ZNF536: variants seen among roughly 807,000 people sequenced by gnomAD.
The protein encoded by ZNF536 is zinc finger protein 536.
A neutral mutation model predicts 84.5 loss-of-function variants in ZNF536; 13 were observed. That is an observed-to-expected ratio of 0.15 (90% confidence interval 0.10 to 0.24). The LOEUF is 0.24. Ranked by LOEUF, ZNF536 falls within the 10% of genes least tolerant of loss-of-function variation. ZNF536 has a pLI of 1.00. For missense variants in ZNF536, 1,536 were observed against 1,747.5 expected, an observed-to-expected ratio of 0.88 and a Z score of 2.16; for synonymous variants, 811 against 742.5, an observed-to-expected ratio of 1.09 and a Z score of -1.50.
chr19:30,516,326 G>A (rs1300029639), intron 2 of ZNF536, among the ~76,000 whole-genome samples: 1 of 152,206 alleles, frequency 6.6e-6, no homozygotes, highest in Non-Finnish European at 1.5e-5. Context: ...CCGGCCTGGT[G>A]TGTGTCTCCA....
intron 1 of ZNF536, among the ~76,000 whole-genome samples, chr19:30,641,368 C>T (rs766556362): frequency 6.6e-6 from 1 of 152,290 alleles, no homozygotes; most frequent in Middle Eastern, 3.4e-3. Flanking sequence ...CAGCTTTCTT[C>T]CTGTGCCTAG....
chr19:30,548,586 C>T lies in ZNF536; in HGVS notation c.2967C>T (p.Gly989=), dbSNP rs146165431. 3.5e-5 allele frequency: 57 copies of T among 1,614,062 alleles called. No individual in the cohort carries two copies. Among genetic ancestry groups the T allele is most frequent in the Non-Finnish European group, 4.5e-5 (53 of 1,180,038 alleles). The change falls in exon 4 of 5, where the codon GGC becomes GGT. Residue 989 remains glycine (G), a synonymous_variant. Coordinates refer to ENST00000355537, the MANE Select transcript of ZNF536 (RefSeq NM_014717.3). ...SVRPDAASLP[G]SSVTVQDSIA... ...GGCCAGATGCCGCCTCCCTCCCGGGCTCCTCGGTAACTGTGCAGGACAGCA... is the reference window on the plus strand; with the variant it reads ...GGCCAGATGCCGCCTCCCTCCCGGGTTCCTCGGTAACTGTGCAGGACAGCA...
At chr19:30,471,734 A>T (rs2053642594) in intron 2 of ZNF536, among the ~76,000 whole-genome samples, 1 of 152,268 alleles carries the variant, frequency 6.6e-6, no homozygotes. Context: ...CTGCCTGGTA[A>T]CATGAAAAAC....
intron 1 of ZNF536, among the ~76,000 whole-genome samples, chr19:30,607,834 T>C (rs1172194449): frequency 6.6e-6 from 1 of 152,174 alleles, no homozygotes; most frequent in East Asian, 1.9e-4. Flanking sequence ...AATGTGATCA[T>C]ATAATGATCA....
At chr19:30,433,394 C>T (rs2051567483) in intron 1 of ZNF536, among the ~76,000 whole-genome samples, 1 of 152,200 alleles carries the variant, frequency 6.6e-6, no homozygotes, top group African/African-American at 2.4e-5. Context: ...CTAGATGTAC[C>T]CATGTCTTGC....
intron 1 of ZNF536, among the ~76,000 whole-genome samples, chr19:30,395,524 G>C (rs917582178): frequency 6.6e-6 from 1 of 152,216 alleles, no homozygotes; most frequent in Non-Finnish European, 1.5e-5. Context: ...ATCTGCCAAA[G>C]AAGGGCCACC....
In ZNF536 at chr19:30,228,770, C is replaced by A. The variant is rs2022780191; in HGVS notation, c.-190+97C>A. Reference sequence around the variant, plus strand: ...TGCGCGCCGCCCCGGGCCGGCCTCGCGTGTGGGCGGCTGGGCGGCTGGGCG... The same window carrying A: ...TGCGCGCCGCCCCGGGCCGGCCTCGAGTGTGGGCGGCTGGGCGGCTGGGCG... On this transcript the variant is annotated intron_variant, in intron 1 of 5. Transcript: ENST00000585628. The surrounding 1 kb of genome is among the most constrained non-coding windows in gnomAD (Gnocchi z 4.5). The A allele has an allele frequency of 1.3e-5, 2 of 150,836 alleles. No homozygotes were observed. Among genetic ancestry groups the A allele is most frequent in the African/African-American group, 4.9e-5 (2 of 41,134 alleles). The allele number at this position is 150,836 out of a possible 1,614,324, so 9.3% of individuals were successfully genotyped here.
intron 2 of ZNF536, among the ~76,000 whole-genome samples, chr19:30,347,817 G>A (rs1397340006): frequency 6.6e-6 from 1 of 152,148 alleles, no homozygotes; most frequent in Non-Finnish European, 1.5e-5. Context: ...TTTGCAAAAT[G>A]CTCCTAGCTG....
chr19:30,581,703 C>T (rs931538938), intron 1 of ZNF536, among the ~76,000 whole-genome samples: 3 of 151,490 alleles, frequency 2.0e-5, no homozygotes, highest in Admixed American at 1.3e-4. Context: ...TTTGGGAGGC[C>T]GAGGTGGGCG....
intron 1 of ZNF536, among the ~76,000 whole-genome samples, chr19:30,437,609 C>T (rs191927887): frequency 1.4e-3 from 209 of 152,204 alleles, no homozygotes; most frequent in African/African-American, 4.6e-3. Flanking sequence ...CTGTGGCCAC[C>T]GAGAGCCTAG....
intron 2 of ZNF536, among the ~76,000 whole-genome samples, chr19:30,521,110 C>T (rs144904862): frequency 1.9e-4 from 29 of 152,352 alleles, no homozygotes; most frequent in South Asian, 1.0e-3. Context: ...GAAGCTTTGG[C>T]GCTTTGCTCA....
At chr19:30,302,661 C>A (rs576946461) in intron 2 of ZNF536, among the ~76,000 whole-genome samples, 1 of 152,220 alleles carries the variant, frequency 6.6e-6, no homozygotes, top group East Asian at 1.9e-4. Flanking sequence ...GAGCCTCTGG[C>A]GTCTGTGCCC....
chr19:30,575,010 C>A (rs2046680173), intron 1 of ZNF536, among the ~76,000 whole-genome samples: 1 of 152,134 alleles, frequency 6.6e-6, no homozygotes, highest in African/African-American at 2.4e-5. Context: ...TGGGACAGGT[C>A]TACACAGCCT....
chr19:30,514,974 G>T (rs575148774), intron 2 of ZNF536, among the ~76,000 whole-genome samples: 44 of 152,092 alleles, frequency 2.9e-4, no homozygotes, highest in African/African-American at 1.0e-3. Flanking sequence ...GTGGCCCAGC[G>T]TGGTGGCTCA....
At chr19:30,447,207 C>CA (rs2052393188) in intron 2 of ZNF536, among the ~76,000 whole-genome samples, 1 of 152,194 alleles carries the variant, frequency 6.6e-6, no homozygotes, top group African/African-American at 2.4e-5. Context: ...TGATCCCCCC[C>CA]ACCCTCACTC....
chr19:30,700,252 C>G (rs1302691066), intron 1 of ZNF536, among the ~76,000 whole-genome samples: 1 of 105,140 alleles, frequency 9.5e-6, no homozygotes. Flanking sequence ...CTCTCTCTCT[C>G]TCTTTCTTTC....
intron 1 of ZNF536, among the ~76,000 whole-genome samples, chr19:30,694,170 A>G (rs962666672): frequency 9.9e-5 from 15 of 152,160 alleles, no homozygotes; most frequent in Non-Finnish European, 1.8e-4. Context: ...TGCCATACAG[A>G]GCACAGCACA....
intron 1 of ZNF536, among the ~76,000 whole-genome samples, chr19:30,391,041 T>G (rs546970199): frequency 1.3e-5 from 2 of 152,314 alleles, no homozygotes; most frequent in South Asian, 4.1e-4. Flanking sequence ...CCCATGCTGG[T>G]GCCTGGAAAT....
chr19:30,675,274 G>A (rs2050712702), intron 1 of ZNF536, among the ~76,000 whole-genome samples: 1 of 152,150 alleles, frequency 6.6e-6, no homozygotes, highest in African/African-American at 2.4e-5. Context: ...ACAGGCAAAT[G>A]GATTTGCCCT....
Sources: allele counts gnomAD v4.1 joint callset (sites outside exome capture counted in the v4.1 genomes callset), GRCh38; gene constraint gnomAD v4.1.1; non-coding constraint Gnocchi (gnomAD v3.1); transcripts MANE v1.5; gene names NCBI Gene and HGNC (gene_info 2026-07-23, HGNC 2026-07-21).